The following NRXN3 variants were observed in gnomAD, a reference collection of about 807,000 sequenced individuals.
The protein encoded by NRXN3 is neurexin 3.
A neutral mutation model predicts 137.6 loss-of-function variants in NRXN3; 32 were observed. That is an observed-to-expected ratio of 0.23 (90% CI 0.18 to 0.31). The LOEUF is 0.31. NRXN3 is among the 10% of genes least tolerant of loss of function. The pLI is 1.00. For synonymous variants in NRXN3, 798 were observed against 784.5 expected, an observed-to-expected ratio of 1.02 and a Z score of -0.29; for missense variants, 1,574 against 2,062.5, an observed-to-expected ratio of 0.76 and a Z score of 4.59.
chr14:78,322,205 T>G lies in NRXN3; in HGVS notation c.757+24345T>G, dbSNP rs138397110. Among the ~76,000 whole-genome samples, 467 of 152,164 alleles carry G rather than the reference T, an allele frequency of 3.1e-3. 3 individuals carry two copies. Among genetic ancestry groups the G allele is most frequent in the Admixed American group, 7.5e-3 (114 of 15,288 alleles). On this transcript the variant is annotated intron_variant, in intron 4 of 20. Coordinates refer to ENST00000335750, the MANE Select transcript of NRXN3 (RefSeq NM_001330195.2). The stretch of plus-strand genomic sequence containing the variant: ...TGAAATAAGCCAAACCCTCAGCTTC[T>G]GAATCTTTACAATCCTTTGGGGAAG...
intron 17 of NRXN3, among the ~76,000 whole-genome samples, chr14:79,678,448 A>C (rs1273087775): frequency 1.3e-5 from 2 of 152,172 alleles, no homozygotes; most frequent in Admixed American, 1.3e-4. Flanking sequence ...AACCCAGGTT[A>C]AGGAAAGAGG....
rs1289255622 is a variant in NRXN3, at chr14:78,810,307, T to C, written c.2249-11T>C. ...TGCAATTTCATCTTTCATTTATTTT[T>C]CCCCATCTAGACTGTATCAGGATAA... On this transcript the variant is annotated splice_polypyrimidine_tract_variant and intron_variant, in intron 9 of 20. Coordinates refer to ENST00000335750, the MANE Select transcript of NRXN3 (RefSeq NM_001330195.2). The C allele has an allele frequency of 1.3e-6, 2 of 1,517,764 alleles. No homozygotes were observed. Among genetic ancestry groups the C allele is most frequent in the East Asian group, 2.4e-5 (1 of 41,824 alleles). 94.0% of individuals were successfully genotyped at this position (1,517,764 alleles called of 1,614,324 possible).
At chr14:78,844,512 T>G (rs2152457656) in intron 10 of NRXN3, among the ~76,000 whole-genome samples, 1 of 152,158 alleles carries the variant, frequency 6.6e-6, no homozygotes, top group Admixed American at 6.6e-5. Context: ...TCTCCAAAAC[T>G]AGGGTTTCTG....
In NRXN3 at chr14:79,467,309, C is replaced by G. The variant is rs1488640331; in HGVS notation, c.3351C>G (p.Arg1117=). 1 of 1,613,536 alleles carries G rather than the reference C, an allele frequency of 6.2e-7. No individual in the cohort carries two copies. The highest frequency in any genetic ancestry group is 1.3e-5 in the African/African-American group (1 of 74,940). The change falls in exon 16 of 21, where the codon CGC becomes CGG. Residue 1117 remains arginine, a synonymous_variant. Transcript: ENST00000335750. The part of the protein sequence containing the change: ...ANDRPSTRSD[R]LAVGFSTTVK... ...ACAGGCCCAGCACGCGGTCTGACCG[C>G]CTTGCCGTGGGCTTCAGCACCACTG...
At chr14:79,462,984 G>C (rs2096372820) in intron 15 of NRXN3, among the ~76,000 whole-genome samples, 1 of 148,920 alleles carries the variant, frequency 6.7e-6, no homozygotes, top group South Asian at 2.1e-4. Context: ...TCTGTTGATA[G>C]TCTCCCAGAA....
chr14:79,099,171 A>G (rs904985532), intron 15 of NRXN3, among the ~76,000 whole-genome samples: 1 of 152,216 alleles, frequency 6.6e-6, no homozygotes, highest in Non-Finnish European at 1.5e-5. Flanking sequence ...TTTGAGGACA[A>G]TTATGAGTAG....
intron 16 of NRXN3, among the ~76,000 whole-genome samples, chr14:79,593,383 C>G (rs2097826637): frequency 6.6e-6 from 1 of 152,012 alleles, no homozygotes; most frequent in Admixed American, 6.6e-5. Context: ...GTAATCCCAG[C>G]ACTTTGGGAG....
At chr14:78,768,905 T>A (rs1368558196) in intron 8 of NRXN3, among the ~76,000 whole-genome samples, 1 of 152,188 alleles carries the variant, frequency 6.6e-6, no homozygotes, top group Non-Finnish European at 1.5e-5. Flanking sequence ...CCCCATGTTT[T>A]AAGGTTTTTA....
At chr14:79,083,561 T>A (rs2047478490) in intron 15 of NRXN3, among the ~76,000 whole-genome samples, 1 of 152,210 alleles carries the variant, frequency 6.6e-6, no homozygotes, top group Non-Finnish European at 1.5e-5. Flanking sequence ...CTGGCATGTG[T>A]GCAAGTGGGG....
At chr14:78,865,406 C>G (rs1272041167) in intron 10 of NRXN3, among the ~76,000 whole-genome samples, 1 of 152,112 alleles carries the variant, frequency 6.6e-6, no homozygotes, top group African/African-American at 2.4e-5. Context: ...TTGAAAGTCA[C>G]AGAATTTTGA....
chr14:78,548,810 T>C (rs1387470717), intron 4 of NRXN3, among the ~76,000 whole-genome samples: 2 of 152,142 alleles, frequency 1.3e-5, no homozygotes, highest in Non-Finnish European at 2.9e-5. Context: ...CAAATGCTTG[T>C]TCCATTACCC....
chr14:79,110,747 A>G (rs1313637543), intron 15 of NRXN3, among the ~76,000 whole-genome samples: 5 of 149,266 alleles, frequency 3.3e-5, no homozygotes, highest in Non-Finnish European at 7.4e-5. Context: ...GTCTTCTTTC[A>G]ATGAGAAATT....
intron 15 of NRXN3, among the ~76,000 whole-genome samples, chr14:79,285,678 C>T (rs1203902266): frequency 6.6e-6 from 1 of 152,144 alleles, no homozygotes. Context: ...CTTATAAGAA[C>T]ATCCATCAGA....
At chr14:79,225,549 A>T (rs1183192241) in intron 15 of NRXN3, among the ~76,000 whole-genome samples, 1 of 152,180 alleles carries the variant, frequency 6.6e-6, no homozygotes. Context: ...AAAACAACGT[A>T]AAACCTATTA....
chr14:79,784,557 C>T (rs1236502403), intron 19 of NRXN3, among the ~76,000 whole-genome samples: 5 of 150,084 alleles, frequency 3.3e-5, no homozygotes. Flanking sequence ...ATCTGATCTC[C>T]AAAGAATCAG....
rs999048365 is a variant in NRXN3, at chr14:79,259,578, T to C, written c.3263-207643T>C. 1.8e-4 allele frequency among the ~76,000 whole-genome samples: 26 copies of C among 148,284 alleles called. No individual in the cohort carries two copies. The East Asian group carries it at 2.1e-3, about 12-fold the overall frequency. ...AGCTGTATATATAGTTATCTATATA[T>C]AGCTATATATAGAGTTATATATATA... On this transcript the variant is annotated intron_variant, in intron 15 of 20. Coordinates refer to ENST00000335750, the MANE Select transcript of NRXN3 (RefSeq NM_001330195.2).
At chr14:79,196,721 A>C (rs1212732238) in intron 15 of NRXN3, among the ~76,000 whole-genome samples, 1 of 152,122 alleles carries the variant, frequency 6.6e-6, no homozygotes, top group Non-Finnish European at 1.5e-5. Flanking sequence ...TTGCTTGCTT[A>C]AACTGTTGTA....
chr14:78,633,251 C>CA (rs779442429), intron 4 of NRXN3, among the ~76,000 whole-genome samples: 3,195 of 67,948 alleles, frequency 0.047, 103 homozygotes, highest in East Asian at 0.11. Context: ...GAGACTCTGT[C>CA]AAAAAAAAAA....
chr14:78,573,625 A>C (rs2096909514), intron 4 of NRXN3, among the ~76,000 whole-genome samples: 2 of 152,248 alleles, frequency 1.3e-5, no homozygotes, highest in Admixed American at 1.3e-4. Context: ...ATTTCTAAGC[A>C]GCAAATCATT....
Sources: allele counts gnomAD v4.1 joint callset (sites outside exome capture counted in the v4.1 genomes callset), GRCh38; gene constraint gnomAD v4.1.1; transcripts MANE v1.5; gene names NCBI Gene and HGNC (gene_info 2026-07-23, HGNC 2026-07-21).